The following RPL10L variants were observed in gnomAD, a reference collection of about 807,000 sequenced individuals.
The protein encoded by RPL10L is ribosomal protein uL16-like.
RPL10L carries 11 observed loss-of-function variants against 10.2 expected under a neutral mutation model. The observed-to-expected ratio is 1.08, with a 90% confidence interval of 0.68 to 1.79. The LOEUF is 1.79. RPL10L is among the 40% of genes most tolerant of loss of function. RPL10L has a pLI of 0.00. For missense variants in RPL10L, 320 were observed against 289.8 expected, an observed-to-expected ratio of 1.10 and a Z score of -0.76; for synonymous variants, 120 against 101.7, an observed-to-expected ratio of 1.18 and a Z score of -1.08.
chr14:46,651,732 C>T lies in RPL10L; in HGVS notation c.5G>A (p.Gly2Glu), dbSNP rs773158661. The change falls in exon 1 of 1, where the codon GGG becomes GAG. Residue 2 changes from glycine (G) to glutamate (E), a missense_variant. Gly to Glu is a moderately conservative substitution (Grantham distance 98). Coordinates refer to ENST00000298283, the MANE Select transcript of RPL10L (RefSeq NM_080746.3). Reference sequence around the variant, plus strand: ...CCGGTAACAGCGAGCTGGACGGCGCCCCATGGCGACACAGTAACGTCGGCG... The same window carrying T: ...CCGGTAACAGCGAGCTGGACGGCGCTCCATGGCGACACAGTAACGTCGGCG... M[G>E]RRPARCYRYC... 8 of 1,614,076 alleles carry T rather than the reference C, an allele frequency of 5.0e-6. No individual in the cohort carries two copies. The East Asian group carries it at 1.8e-4, about 36-fold the overall frequency.
rs202082945 is a variant in RPL10L at position 46,651,731 on chromosome 14, C to T, written c.6G>A (p.Gly2=). 6.9e-5 allele frequency: 111 copies of T among 1,614,092 alleles called. No individual in the cohort carries two copies. Among genetic ancestry groups the T allele is most frequent in the Admixed American group, 8.3e-5 (5 of 60,006 alleles). ...ACCGGTAACAGCGAGCTGGACGGCG[C>T]CCCATGGCGACACAGTAACGTCGGC... The part of the protein sequence containing the change: M[G]RRPARCYRYC... The change falls in exon 1 of 1, where the codon GGG becomes GGA. Residue 2 remains glycine, a synonymous_variant. Transcript: ENST00000298283.
Position 46,651,229 on chromosome 14 carries a change from T to C in RPL10L, c.508A>G (p.Lys170Glu), listed in dbSNP as rs1009562548. ...PGRQKIHISK[K>E]WGFTKFNADE... ...GCATTAAACTTCGTGAAGCCCCACT[T>C]CTTGGAGATATGAATCTTCTGGCGT... The change falls in exon 1 of 1, where the codon AAG (lysine) becomes GAG (glutamate). Residue 170 changes from lysine (K) to glutamate (E), a missense_variant. By Grantham distance (56) the Lys-to-Glu change is moderately conservative. Coordinates refer to ENST00000298283, the MANE Select transcript of RPL10L (RefSeq NM_080746.3). The C allele has an allele frequency of 8.1e-6, 13 of 1,614,170 alleles. No individual in the cohort carries two copies. The highest frequency in any genetic ancestry group is 1.3e-5 in the African/African-American group (1 of 75,038).
Position 46,651,346 on chromosome 14 carries a change from T to A in RPL10L, c.391A>T (p.Ile131Phe), listed in dbSNP as rs114329167. 1,277 of 1,614,088 alleles carry A rather than the reference T, an allele frequency of 7.9e-4. 6 individuals carry two copies. The African/African-American group carries it at 0.013, about 16-fold the overall frequency. The change falls in exon 1 of 1, where the codon ATT becomes TTT. Residue 131 changes from isoleucine (I) to phenylalanine (F), a missense_variant. Coordinates refer to ENST00000298283, the MANE Select transcript of RPL10L (RefSeq NM_080746.3). ...KPQGTVARVH[I>F]GQVIMSIRTK... ...CGGATGGACATGATGACTTGACCAA[T>A]GTGGACCCGGGCTACAGTACCCTGG...
Position 46,651,661 on chromosome 14 carries a change from C to T in RPL10L, c.76G>A (p.Val26Ile). 1 of 1,614,220 alleles carries T rather than the reference C, an allele frequency of 6.2e-7. No homozygotes were observed. Among genetic ancestry groups the T allele is most frequent in the Non-Finnish European group, 8.5e-7 (1 of 1,180,042 alleles). ...AAGATGCGGATCTTGGCATCAGGAACCCCTCGGCAGAAACGAGATTTTGGG... is the reference window on the plus strand; with the variant it reads ...AAGATGCGGATCTTGGCATCAGGAATCCCTCGGCAGAAACGAGATTTTGGG... Reference protein sequence around the residue: ...PYPKSRFCRGVPDAKIRIFDL... With the variant: ...PYPKSRFCRGIPDAKIRIFDL... The change falls in exon 1 of 1, where the codon GTT becomes ATT. Residue 26 changes from valine to isoleucine, a missense_variant. Physicochemically the swap from Val to Ile is conservative, Grantham distance 29. Coordinates refer to ENST00000298283, the MANE Select transcript of RPL10L (RefSeq NM_080746.3).
chr14:46,651,290 A>G lies in RPL10L; in HGVS notation c.447T>C (p.Ile149=). 6.2e-7 allele frequency: 1 copy of G among 1,614,192 alleles called. No individual in the cohort carries two copies. Among genetic ancestry groups the G allele is most frequent in the Non-Finnish European group, 8.5e-7 (1 of 1,180,028 alleles). The change falls in exon 1 of 1, where the codon ATT becomes ATC. Residue 149 remains isoleucine, a synonymous_variant. Coordinates refer to ENST00000298283, the MANE Select transcript of RPL10L (RefSeq NM_080746.3). ...RTKLQNEEHV[I]EALRRAKFKF... ...TGAACTTGGCCCTGCGCAAGGCTTC[A>G]ATCACATGCTCCTCGTTCTGAAGCT...
rs780325119 is a variant in RPL10L, at chr14:46,651,188, G to C, written c.549C>G (p.Asp183Glu). ...FTKFNADEFE[D>E]MVAKKCLIPD... ...GGATGAGGCACTTCTTGGCCACCAT[G>C]TCTTCAAATTCGTCAGCATTAAACT... The change falls in exon 1 of 1, where the codon GAC becomes GAG. Residue 183 changes from aspartate to glutamate, a missense_variant. Asp to Glu is a conservative substitution (Grantham distance 45). Coordinates refer to ENST00000298283, the MANE Select transcript of RPL10L (RefSeq NM_080746.3). 1.2e-6 allele frequency: 2 copies of C among 1,614,020 alleles called. No homozygotes were observed. Among genetic ancestry groups the C allele is most frequent in the Admixed American group, 3.3e-5 (2 of 59,996 alleles).
rs780325119 is a variant in RPL10L, at chr14:46,651,188, G to A, written c.549C>T (p.Asp183=). ...FTKFNADEFE[D]MVAKKCLIPD... is the part of the protein sequence containing the mutation. ...GGATGAGGCACTTCTTGGCCACCAT[G>A]TCTTCAAATTCGTCAGCATTAAACT... Residue 183 remains aspartate, a synonymous_variant, in exon 1 of 1, where the codon GAC becomes GAT. Coordinates refer to ENST00000298283, the MANE Select transcript of RPL10L (RefSeq NM_080746.3). 2.5e-6 allele frequency: 4 copies of A among 1,614,020 alleles called. No homozygotes were observed. Among genetic ancestry groups the A allele is most frequent in the Admixed American group, 3.3e-5 (2 of 59,996 alleles).
rs144347660 is a variant in RPL10L, at chr14:46,651,113, C to T, written c.624G>A (p.Lys208=). The T allele has an allele frequency of 2.1e-5, 34 of 1,613,998 alleles. No individual in the cohort carries two copies. In the African/African-American group the frequency reaches 4.4e-4, roughly 21 times the overall value. Residue 208 remains lysine, a synonymous_variant, in exon 1 of 1, where the codon AAG becomes AAA. Coordinates refer to ENST00000298283, the MANE Select transcript of RPL10L (RefSeq NM_080746.3). ...KYVPSHGPLD[K]WRVLHS is the part of the protein sequence containing the mutation. ...ACCTTCATGAGTGCAGAACCCGCCA[C>T]TTGTCCAAGGGGCCATGACTGGGAA...
In RPL10L at chr14:46,651,147, A is replaced by C. The variant is rs1200429108; in HGVS notation, c.590T>G (p.Val197Gly). ...GGGGCCATGACTGGGAACGTACTTG[A>C]CTCCACAACCATCAGGGATGAGGCA... ...KKCLIPDGCG[V>G]KYVPSHGPLD... The change falls in exon 1 of 1, where the codon GTC (valine) becomes GGC (glycine). Residue 197 changes from valine to glycine, a missense_variant. By Grantham distance (109) the Val-to-Gly change is moderately radical. Transcript: ENST00000298283. 6 of 1,614,092 alleles carry C rather than the reference A, an allele frequency of 3.7e-6. No homozygotes were observed. The highest frequency in any genetic ancestry group is 5.1e-6 in the Non-Finnish European group (6 of 1,180,020).
rs1883870669 is a variant in RPL10L at position 46,651,285 on chromosome 14, G to C, written c.452C>G (p.Ala151Gly). 1 of 1,614,006 alleles carries C rather than the reference G, an allele frequency of 6.2e-7. No individual in the cohort carries two copies. The highest frequency in any genetic ancestry group is 8.5e-7 in the Non-Finnish European group (1 of 1,180,034). The change falls in exon 1 of 1, where the codon GCC (alanine) becomes GGC (glycine). Residue 151 changes from alanine to glycine, a missense_variant. By Grantham distance (60) the Ala-to-Gly change is moderately conservative. Transcript: ENST00000298283. ...KLQNEEHVIE[A>G]LRRAKFKFPG... Reference sequence around the variant, plus strand: ...GAACTTGAACTTGGCCCTGCGCAAGGCTTCAATCACATGCTCCTCGTTCTG... The same window carrying C: ...GAACTTGAACTTGGCCCTGCGCAAGCCTTCAATCACATGCTCCTCGTTCTG...
Position 46,651,310 on chromosome 14 carries a change from G to A in RPL10L, c.427C>T (p.Gln143Ter), listed in dbSNP as rs200946521. 3 of 1,614,142 alleles carry A rather than the reference G, an allele frequency of 1.9e-6. No individual in the cohort carries two copies. The highest frequency in any genetic ancestry group is 2.5e-6 in the Non-Finnish European group (3 of 1,180,030). ...QVIMSIRTKL[Q>*]NEEHVIEALR... ...GCTTCAATCACATGCTCCTCGTTCTGAAGCTTGGTGCGGATGGACATGATG... is the reference window on the plus strand; with the variant it reads ...GCTTCAATCACATGCTCCTCGTTCTAAAGCTTGGTGCGGATGGACATGATG... The change falls in exon 1 of 1, where the codon CAG becomes TAG. Residue 143 changes from glutamine to a stop codon, truncating the protein, a stop_gained. Transcript: ENST00000298283. LOFTEE classifies it high-confidence loss of function.
Position 46,651,779 on chromosome 14 carries a change from C to T in RPL10L, c.-43G>A, listed in dbSNP as rs1390109559. 1.2e-6 allele frequency: 2 copies of T among 1,612,004 alleles called. No homozygotes were observed. Among genetic ancestry groups the T allele is most frequent in the Non-Finnish European group, 1.7e-6 (2 of 1,178,792 alleles). ...GGCGGTGCCTCGAAGTCAAAATGCG[C>T]TCTCTTAACTACGCCTGCGCGCATT... is the stretch of plus-strand genomic sequence containing the variant. On this transcript the variant is annotated 5_prime_UTR_variant, in exon 1 of 1. Coordinates refer to ENST00000298283, the MANE Select transcript of RPL10L (RefSeq NM_080746.3).
At position 46,651,337 on chromosome 14, in the gene RPL10L, C is replaced by G. The variant is rs1489429282; in HGVS notation, c.400G>C (p.Val134Leu). 2 of 1,614,144 alleles carry G rather than the reference C, an allele frequency of 1.2e-6. No individual in the cohort carries two copies. Among genetic ancestry groups the G allele is most frequent in the Non-Finnish European group, 1.7e-6 (2 of 1,180,044 alleles). The stretch of plus-strand genomic sequence containing the variant: ...AGCTTGGTGCGGATGGACATGATGA[C>G]TTGACCAATGTGGACCCGGGCTACA... Reference protein sequence around the residue: ...GTVARVHIGQVIMSIRTKLQN... With the variant: ...GTVARVHIGQLIMSIRTKLQN... The change falls in exon 1 of 1, where the codon GTC becomes CTC. Residue 134 changes from valine (V) to leucine (L), a missense_variant. Val to Leu is a conservative substitution (Grantham distance 32). Coordinates refer to ENST00000298283, the MANE Select transcript of RPL10L (RefSeq NM_080746.3).
Position 46,651,424 on chromosome 14 carries a change from A to G in RPL10L, c.313T>C (p.Cys105Arg), listed in dbSNP as rs1395456797. The G allele has an allele frequency of 1.2e-6, 2 of 1,614,032 alleles. No homozygotes were observed. The highest frequency in any genetic ancestry group is 2.7e-5 in the African/African-American group (2 of 74,914). The change falls in exon 1 of 1, where the codon TGT becomes CGT. Residue 105 changes from cysteine to arginine, a missense_variant. By Grantham distance (180) the Cys-to-Arg change is radical (BLOSUM62 -3). Transcript: ENST00000298283. ...HVIRINKMLS[C>R]AGADRLQTGM... ...GTCTGGAGCCTGTCAGCCCCAGCAC[A>G]GGACAACATCTTGTTGATGCGGATG...
At position 46,651,123 on chromosome 14, in the gene RPL10L, G is replaced by A; in HGVS notation, c.614C>T (p.Pro205Leu). 1 of 1,614,094 alleles carries A rather than the reference G, an allele frequency of 6.2e-7. No individual in the cohort carries two copies. The highest frequency in any genetic ancestry group is 8.5e-7 in the Non-Finnish European group (1 of 1,180,006). Reference protein sequence around the residue: ...CGVKYVPSHGPLDKWRVLHS With the variant: ...CGVKYVPSHGLLDKWRVLHS ...GTGCAGAACCCGCCACTTGTCCAAG[G>A]GGCCATGACTGGGAACGTACTTGAC... Residue 205 changes from proline to leucine, a missense_variant, in exon 1 of 1, where the codon CCC becomes CTC. By Grantham distance (98) the Pro-to-Leu change is moderately conservative (BLOSUM62 -3). Transcript: ENST00000298283.
rs539174422 is a variant in RPL10L, at chr14:46,651,044, G to A, written c.*48C>T. ...GCCAGTAAACAGAATTTATTAGTAA[G>A]CATAAGTCAGACCAGCATGGCCCAA... On this transcript the variant is annotated 3_prime_UTR_variant, in exon 1 of 1. Coordinates refer to ENST00000298283, the MANE Select transcript of RPL10L (RefSeq NM_080746.3). The A allele has an allele frequency of 6.4e-7, 1 of 1,553,576 alleles. No homozygotes were observed. The highest frequency in any genetic ancestry group is 1.4e-5 in the African/African-American group (1 of 72,748).
rs146366812 is a variant in RPL10L at position 46,651,190 on chromosome 14, C to T, written c.547G>A (p.Asp183Asn). Residue 183 changes from aspartate (D) to asparagine (N), a missense_variant, in exon 1 of 1, where the codon GAC (aspartate) becomes AAC (asparagine). Coordinates refer to ENST00000298283, the MANE Select transcript of RPL10L (RefSeq NM_080746.3). ...FTKFNADEFE[D>N]MVAKKCLIPD... Reference sequence around the variant, plus strand: ...ATGAGGCACTTCTTGGCCACCATGTCTTCAAATTCGTCAGCATTAAACTTC... The same window carrying T: ...ATGAGGCACTTCTTGGCCACCATGTTTTCAAATTCGTCAGCATTAAACTTC... The T allele has an allele frequency of 1.9e-6, 3 of 1,614,012 alleles. No homozygotes were observed.
Position 46,651,303 on chromosome 14 carries a change from T to G in RPL10L, c.434A>C (p.Glu145Ala). The change falls in exon 1 of 1, where the codon GAG becomes GCG. Residue 145 changes from glutamate (E) to alanine (A), a missense_variant. Glu to Ala is a moderately radical substitution (Grantham distance 107, BLOSUM62 -1). Coordinates refer to ENST00000298283, the MANE Select transcript of RPL10L (RefSeq NM_080746.3). ...IMSIRTKLQN[E>A]EHVIEALRRA... ...GCGCAAGGCTTCAATCACATGCTCCTCGTTCTGAAGCTTGGTGCGGATGGA... is the reference window on the plus strand; with the variant it reads ...GCGCAAGGCTTCAATCACATGCTCCGCGTTCTGAAGCTTGGTGCGGATGGA... The G allele has an allele frequency of 6.2e-7, 1 of 1,614,162 alleles. No homozygotes were observed. Among genetic ancestry groups the G allele is most frequent in the Non-Finnish European group, 8.5e-7 (1 of 1,180,040 alleles).
Position 46,651,169 on chromosome 14 carries a change from G to C in RPL10L, c.568C>G (p.Leu190Val). 1 of 1,614,122 alleles carries C rather than the reference G, an allele frequency of 6.2e-7. No individual in the cohort carries two copies. Among genetic ancestry groups the C allele is most frequent in the East Asian group, 2.2e-5 (1 of 44,878 alleles). The change falls in exon 1 of 1, where the codon CTC (leucine) becomes GTC (valine). Residue 190 changes from leucine (L) to valine (V), a missense_variant. Leu to Val is a conservative substitution (Grantham distance 32). Coordinates refer to ENST00000298283, the MANE Select transcript of RPL10L (RefSeq NM_080746.3). ...TTGACTCCACAACCATCAGGGATGA[G>C]GCACTTCTTGGCCACCATGTCTTCA... ...EFEDMVAKKC[L>V]IPDGCGVKYV... is the part of the protein sequence containing the mutation.
Sources: allele counts gnomAD v4.1 joint callset, GRCh38; gene constraint gnomAD v4.1.1; transcripts MANE v1.5; gene names NCBI Gene and HGNC (gene_info 2026-07-23, HGNC 2026-07-21).